C19orf12: variants seen among roughly 807,000 people sequenced by gnomAD.
C19orf12 encodes the protein protein C19orf12.
C19orf12 carries 2 observed loss-of-function variants against 3.8 expected under a neutral mutation model. That is an observed-to-expected ratio of 0.53 (90% CI 0.22 to 1.66). The LOEUF (loss-of-function observed/expected upper bound fraction) is 1.66. Among genes scored for constraint, C19orf12 ranks in the 40% most tolerant of loss-of-function variants. The pLI, the probability that C19orf12 is intolerant of heterozygous loss-of-function variation, is 0.20. For synonymous variants in C19orf12, 89 were observed against 84.6 expected (o/e 1.05, Z -0.28); for missense variants, 156 against 188.8 (o/e 0.83, Z 1.02).
At position 29,701,168 on chromosome 19, in the gene C19orf12, A is replaced by G; in HGVS notation, c.*1544T>C. 1 of 454,168 alleles carries G rather than the reference A, an allele frequency of 2.2e-6. No individual in the cohort carries two copies. The highest frequency in any genetic ancestry group is 4.4e-6 in the Non-Finnish European group (1 of 226,800). 28.1% of individuals were successfully genotyped at this position (454,168 alleles called of 1,614,324 possible). ...ATAATATGTGGGAAAATGGCTTTTT[A>G]GAAAAACATTTATTGTAATCGATCA... On this transcript the variant is annotated 3_prime_UTR_variant, in exon 3 of 3. Coordinates refer to ENST00000323670, the MANE Select transcript of C19orf12 (RefSeq NM_031448.6).
Position 29,701,177 on chromosome 19 carries a change from T to C in C19orf12, c.*1535A>G, listed in dbSNP as rs1411928111. On this transcript the variant is annotated 3_prime_UTR_variant, in exon 3 of 3. Transcript: ENST00000323670. ...GGGAAAATGGCTTTTTAGAAAAACA[T>C]TTATTGTAATCGATCACATTCAAGT... The C allele has an allele frequency of 4.4e-6, 2 of 454,016 alleles. No homozygotes were observed. The highest frequency in any genetic ancestry group is 8.8e-6 in the Non-Finnish European group (2 of 226,804). 28.1% of individuals were successfully genotyped at this position (454,016 alleles called of 1,614,324 possible). A position where few individuals can be genotyped will look rare whatever the true frequency, so the allele number is the denominator to read the frequency against.
chr19:29,712,521 C>T (rs1247407281), intron 1 of C19orf12, among the ~76,000 whole-genome samples: 1 of 152,156 alleles, frequency 6.6e-6, no homozygotes, highest in African/African-American at 2.4e-5. Flanking sequence ...ACCACCCAAC[C>T]TTTTTCACAC....
intron 1 of C19orf12, among the ~76,000 whole-genome samples, chr19:29,713,998 C>CGT (rs1233058980): frequency 1.3e-5 from 2 of 151,284 alleles, no homozygotes; most frequent in Admixed American, 1.3e-4. Flanking sequence ...CTTTCGTTCT[C>CGT]TCTCTCTCTC....
upstream of C19orf12, chr19:29,715,425 C>T (rs1344700745): frequency 7.3e-6 from 3 of 409,852 alleles, no homozygotes; most frequent in African/African-American, 4.3e-5. Context: ...GTCACCGGGG[C>T]CCTGGCTTGG....
rs1476932844 is a variant in C19orf12, at chr19:29,702,027, A to G, written c.*685T>C. 2.2e-6 allele frequency: 1 copy of G among 452,978 alleles called. No homozygotes were observed. Among genetic ancestry groups the G allele is most frequent in the Non-Finnish European group, 4.4e-6 (1 of 225,962 alleles). 28.1% of individuals were successfully genotyped at this position (452,978 alleles called of 1,614,324 possible). ...TTTTACTAAAAATATTTCATTTGAG[A>G]AGTAAACCTCAAGAACTACCAGGAC... is the stretch of plus-strand genomic sequence containing the variant. On this transcript the variant is annotated 3_prime_UTR_variant, in exon 3 of 3. Transcript: ENST00000323670.
intron 1 of C19orf12, among the ~76,000 whole-genome samples, chr19:29,713,630 GCAA>G (rs1340178415): frequency 6.6e-6 from 1 of 152,194 alleles, no homozygotes; most frequent in Non-Finnish European, 1.5e-5. Context: ...GATCCCACCA[GCAA>G]ACAGTTTTGG....
rs778637209 is a variant in C19orf12, at chr19:29,700,634, T to C, written c.*2078A>G. 6 of 454,042 alleles carry C rather than the reference T, an allele frequency of 1.3e-5. No homozygotes were observed. The highest frequency in any genetic ancestry group is 9.3e-5 in the South Asian group (6 of 64,452). 28.1% of individuals were successfully genotyped at this position (454,042 alleles called of 1,614,324 possible). A position where few individuals can be genotyped will look rare whatever the true frequency, so the allele number is the denominator to read the frequency against. On this transcript the variant is annotated 3_prime_UTR_variant, in exon 3 of 3. Coordinates refer to ENST00000323670, the MANE Select transcript of C19orf12 (RefSeq NM_031448.6). ...GTCCCCCATCAACTTAAGTGGCATA[T>C]AAATGATTAAAGTGGCTTCATTAAC... is the stretch of plus-strand genomic sequence containing the variant.
chr19:29,702,401 T>C lies in C19orf12; in HGVS notation c.*311A>G, dbSNP rs1233234783. The C allele has an allele frequency of 1.9e-5, 11 of 570,998 alleles. No individual in the cohort carries two copies. The highest frequency in any genetic ancestry group is 3.0e-5 in the Non-Finnish European group (9 of 302,732). 35.4% of individuals were successfully genotyped at this position (570,998 alleles called of 1,614,324 possible). On this transcript the variant is annotated 3_prime_UTR_variant, in exon 3 of 3. Transcript: ENST00000323670. ...GAGCGTGATCACTTCCCCAGACCCA[T>C]GCGGGTGAGAGGACTCAGCAGACGC...
In C19orf12 at chr19:29,715,250, G is replaced by A. The variant is rs1253348447; in HGVS notation, c.-136C>T. 7 of 388,640 alleles carry A rather than the reference G, an allele frequency of 1.8e-5. No individual in the cohort carries two copies. The highest frequency in any genetic ancestry group is 6.6e-5 in the African/African-American group (3 of 45,478). The allele number at this position is 388,640 out of a possible 1,614,324, so 24.1% of individuals were successfully genotyped here. A position where few individuals can be genotyped will look rare whatever the true frequency, so the allele number is the denominator to read the frequency against. On this transcript the variant is annotated 5_prime_UTR_variant, in exon 1 of 3. Transcript: ENST00000323670. ...GGAGGGTCGCGCAGGCCTTGGTGGC[G>A]GCCCCGGCGCTGGCCCCGCCCTCCG...
chr19:29,713,676 A>C (rs1972800700), intron 1 of C19orf12, among the ~76,000 whole-genome samples: 1 of 152,212 alleles, frequency 6.6e-6, no homozygotes, highest in African/African-American at 2.4e-5. Context: ...TTTAAAACAA[A>C]TTAGTTGCCA....
rs893083594 is a variant in C19orf12 at position 29,702,201 on chromosome 19, G to C, written c.*511C>G. 11 of 454,136 alleles carry C rather than the reference G, an allele frequency of 2.4e-5. No homozygotes were observed. Among genetic ancestry groups the C allele is most frequent in the African/African-American group, 1.6e-4 (8 of 50,016 alleles). 28.1% of individuals were successfully genotyped at this position (454,136 alleles called of 1,614,324 possible). ...GGCCATTCGACAGTCCCTGGGTAGG[G>C]GACGGTTGCACTAGGAGGTAAACAT... On this transcript the variant is annotated 3_prime_UTR_variant, in exon 3 of 3. Coordinates refer to ENST00000323670, the MANE Select transcript of C19orf12 (RefSeq NM_031448.6).
rs1276917352 is a variant in C19orf12, at chr19:29,702,141, G to A, written c.*571C>T. The stretch of plus-strand genomic sequence containing the variant: ...GGGGTCAAGTCCACTCGGTATTTGT[G>A]GCTTCACTCAGCAGGCCGCCCGTCC... On this transcript the variant is annotated 3_prime_UTR_variant, in exon 3 of 3. Coordinates refer to ENST00000323670, the MANE Select transcript of C19orf12 (RefSeq NM_031448.6). 4 of 453,312 alleles carry A rather than the reference G, an allele frequency of 8.8e-6. No homozygotes were observed. The highest frequency in any genetic ancestry group is 4.7e-5 in the South Asian group (3 of 64,428). The allele number at this position is 453,312 out of a possible 1,614,324, so 28.1% of individuals were successfully genotyped here.
rs1194578247 is a variant in C19orf12, at chr19:29,699,929, C to T, written c.*2783G>A. On this transcript the variant is annotated 3_prime_UTR_variant, in exon 3 of 3. Transcript: ENST00000323670. ...TTCCTGGGGGAAATCAAGAAAAGTG[C>T]TTTCGGCTCCTGGGGGAGATAAGAC... The T allele has an allele frequency of 1.1e-5, 5 of 454,002 alleles. No individual in the cohort carries two copies. The highest frequency in any genetic ancestry group is 1.8e-5 in the Non-Finnish European group (4 of 226,754). The allele number at this position is 454,002 out of a possible 1,614,324, so 28.1% of individuals were successfully genotyped here. A position where few individuals can be genotyped will look rare whatever the true frequency, so the allele number is the denominator to read the frequency against.
At chr19:29,703,378 CTTT>C (rs1165470646) in intron 2 of C19orf12, among the ~76,000 whole-genome samples, 5 of 128,368 alleles carry the variant, frequency 3.9e-5, no homozygotes, top group Non-Finnish European at 5.0e-5. Context: ...TTTTTCTTTT[CTTT>C]TTTTTTTTTT....
chr19:29,710,235 A>G (rs1972600193), intron 1 of C19orf12, among the ~76,000 whole-genome samples: 1 of 152,154 alleles, frequency 6.6e-6, no homozygotes, highest in Non-Finnish European at 1.5e-5. Context: ...TTGCTCTCCC[A>G]ATCCTGGGAT....
chr19:29,705,361 C>A, intron 2 of C19orf12: 1 of 416,828 alleles, frequency 2.4e-6, no homozygotes, highest in South Asian at 1.6e-5. Context: ...AGAAAGCAGG[C>A]GATTCAATGC....
chr19:29,704,148 T>C (rs1972257794), intron 2 of C19orf12, among the ~76,000 whole-genome samples: 1 of 152,162 alleles, frequency 6.6e-6, no homozygotes, highest in Non-Finnish European at 1.5e-5. Flanking sequence ...GTGCTTTTCA[T>C]AGATCCCCTC....
In C19orf12 at chr19:29,704,153, C is replaced by A. The variant is rs148746632; in HGVS notation, c.161-1176G>T. ...TCTTGAAGCAGTGCTTTTCATAGATCCCCTCCAAGTTGTATGATCGATAAA... is the reference window on the plus strand; with the variant it reads ...TCTTGAAGCAGTGCTTTTCATAGATACCCTCCAAGTTGTATGATCGATAAA... On this transcript the variant is annotated intron_variant, in intron 2 of 2. Transcript: ENST00000323670. Among the ~76,000 whole-genome samples, 20 of 152,300 alleles carry A rather than the reference C, an allele frequency of 1.3e-4. No homozygotes were observed. The East Asian group carries it at 1.9e-3, about 15-fold the overall frequency.
intron 1 of C19orf12, among the ~76,000 whole-genome samples, chr19:29,710,617 C>T (rs1972615901): frequency 6.6e-6 from 1 of 152,006 alleles, no homozygotes; most frequent in Non-Finnish European, 1.5e-5. Flanking sequence ...TCTTTTTGTC[C>T]CCATGGAGTA....
Sources: allele counts gnomAD v4.1 joint callset (sites outside exome capture counted in the v4.1 genomes callset), GRCh38; gene constraint gnomAD v4.1.1; transcripts MANE v1.5; gene names NCBI Gene and HGNC (gene_info 2026-07-23, HGNC 2026-07-21).